The following PVT1 variants were observed in gnomAD, a reference collection of about 807,000 sequenced individuals.
PVT1 encodes the protein Pvt1 oncogene.
chr8:127,809,052 A>AG lies in PVT1; in HGVS notation n.372+12981_372+12982insG, dbSNP rs1554588312. Among the ~76,000 whole-genome samples, 27 of 135,030 alleles carry AG rather than the reference A, an allele frequency of 2.0e-4. 2 individuals are homozygous for AG. Among genetic ancestry groups the AG allele is most frequent in the Admixed American group, 4.3e-4 (6 of 14,072 alleles). The allele number at this position is 135,030 out of a possible 152,430, so 88.6% of individuals were successfully genotyped here. A position where few individuals can be genotyped will look rare whatever the true frequency, so the allele number is the denominator to read the frequency against. On this transcript the variant is annotated intron_variant and non_coding_transcript_variant, in intron 2 of 10. Coordinates refer to ENST00000651587, the Ensembl canonical transcript of PVT1. ...CTCAAAAAAAAAAAAAAAAAAAAAA[A>AG]AAAGAAAGAAAAAAAAGAAAAAGAA...
intron 3 of PVT1, among the ~76,000 whole-genome samples, chr8:127,954,981 T>C (rs1004200030): frequency 5.3e-5 from 8 of 152,242 alleles, no homozygotes; most frequent in Non-Finnish European, 8.8e-5. Context: ...AGAAACGCAA[T>C]ACAGTACGCA....
At chr8:127,860,521 T>G (rs938548810) in intron 2 of PVT1, among the ~76,000 whole-genome samples, 13 of 151,930 alleles carry the variant, frequency 8.6e-5, no homozygotes, top group Non-Finnish European at 1.8e-4. Context: ...TCCCAGCACT[T>G]CGGGAGGCCA....
intron 3 of PVT1, among the ~76,000 whole-genome samples, chr8:127,959,846 C>A (rs1414667762): frequency 6.6e-6 from 1 of 152,140 alleles, no homozygotes; most frequent in Non-Finnish European, 1.5e-5. Flanking sequence ...GCACTCCTAG[C>A]CCCAAGTGCA....
intron 4 of PVT1, among the ~76,000 whole-genome samples, chr8:127,992,435 A>G (rs546883677): frequency 6.6e-6 from 1 of 152,272 alleles, no homozygotes; most frequent in African/African-American, 2.4e-5. Context: ...ACAGGGTCTT[A>G]GCTATGTGGC....
At chr8:127,874,282 G>T (rs1815382193) in intron 2 of PVT1, among the ~76,000 whole-genome samples, 1 of 152,204 alleles carries the variant, frequency 6.6e-6, no homozygotes, top group Non-Finnish European at 1.5e-5. Flanking sequence ...GTCGCAAGGG[G>T]TTAATGAGAA....
chr8:127,858,133 A>G (rs562244909), intron 2 of PVT1, among the ~76,000 whole-genome samples: 16 of 152,144 alleles, frequency 1.1e-4, no homozygotes, highest in Non-Finnish European at 2.1e-4. Context: ...GCTCATGCCT[A>G]TAATCACGGC....
At chr8:128,009,465 A>T (rs1207902179) in intron 4 of PVT1, 1 of 152,656 alleles carries the variant, frequency 6.6e-6, no homozygotes, top group Non-Finnish European at 1.5e-5. Flanking sequence ...GGGAAACATT[A>T]ATTGAACTGT....
chr8:128,100,293 T>C (rs1814488194), intron 6 of PVT1, among the ~76,000 whole-genome samples: 1 of 152,198 alleles, frequency 6.6e-6, no homozygotes, highest in South Asian at 2.1e-4. Context: ...GCTTGGTTCT[T>C]GGATGTAGCA....
chr8:127,998,558 TTCCTTCCTTCCCTTCCTCC>T (rs1817134280), intron 4 of PVT1, among the ~76,000 whole-genome samples: 1 of 137,658 alleles, frequency 7.3e-6, no homozygotes, highest in African/African-American at 2.7e-5. Context: ...TCTCTCTCTC[TTCCTTCCTTCCCTTCCTCC>T]CTCCCTCTTT....
intron 5 of PVT1, among the ~76,000 whole-genome samples, chr8:128,076,519 T>G (rs1209950583): frequency 6.6e-6 from 1 of 152,210 alleles, no homozygotes; most frequent in African/African-American, 2.4e-5. Flanking sequence ...TAGGTTTGTC[T>G]TTGTTCTAAG....
intron 3 of PVT1, among the ~76,000 whole-genome samples, chr8:127,933,490 C>G (rs530475437): frequency 7.2e-5 from 11 of 152,238 alleles, no homozygotes; most frequent in Non-Finnish European, 1.5e-4. Context: ...CACAAACCTG[C>G]GGGTATAGGT....
At chr8:128,095,884 A>G (rs753584692) in intron 5 of PVT1, among the ~76,000 whole-genome samples, 17 of 152,332 alleles carry the variant, frequency 1.1e-4, no homozygotes, top group Middle Eastern at 3.4e-3. Flanking sequence ...CAATTCTGCC[A>G]TGCTCTTTCG....
chr8:127,857,108 C>T (rs921988698), intron 2 of PVT1, among the ~76,000 whole-genome samples: 3 of 152,148 alleles, frequency 2.0e-5, no homozygotes, highest in African/African-American at 7.2e-5. Context: ...CACCTGTAAT[C>T]CCAGCTACTC....
chr8:127,971,046 C>G (rs560544489), intron 3 of PVT1, among the ~76,000 whole-genome samples: 2 of 152,348 alleles, frequency 1.3e-5, no homozygotes, highest in South Asian at 4.1e-4. Flanking sequence ...AGAGTCTGGT[C>G]CTGACAGAGA....
rs149155837 is a variant in PVT1, at chr8:127,985,862, G to T, written n.783-3300G>T. Among the ~76,000 whole-genome samples, 8 of 152,280 alleles carry T rather than the reference G, an allele frequency of 5.3e-5. No individual in the cohort carries two copies. In the East Asian group the frequency reaches 1.5e-3, roughly 29 times the overall value. On this transcript the variant is annotated intron_variant and non_coding_transcript_variant, in intron 3 of 10. Coordinates refer to ENST00000651587, the Ensembl canonical transcript of PVT1. ...CCACATCATGAACCCAAGTGCTGTT[G>T]CTGATTTCGAAGCTTGTTCACTGTC...
chr8:127,842,409 C>T (rs182038036), intron 2 of PVT1, among the ~76,000 whole-genome samples: 7 of 152,098 alleles, frequency 4.6e-5, no homozygotes, highest in Admixed American at 1.3e-4. Flanking sequence ...TGTGCGCTAC[C>T]GCACCAGGCT....
intron 2 of PVT1, among the ~76,000 whole-genome samples, chr8:127,822,886 A>C (rs1814748733): frequency 6.6e-6 from 1 of 152,152 alleles, no homozygotes; most frequent in Admixed American, 6.5e-5. Flanking sequence ...GCTGGGTGTA[A>C]ATTTTGTCCT....
At chr8:128,055,064 C>T (rs952922745) in intron 4 of PVT1, among the ~76,000 whole-genome samples, 1 of 152,144 alleles carries the variant, frequency 6.6e-6, no homozygotes, top group Non-Finnish European at 1.5e-5. Flanking sequence ...CTCTGGATCT[C>T]CATCTTGCCA....
At chr8:127,970,285 A>ATTTTTTTTT (rs1321419703) in intron 3 of PVT1, among the ~76,000 whole-genome samples, 17 of 26,820 alleles carry the variant, frequency 6.3e-4, no homozygotes, top group South Asian at 2.0e-3. Flanking sequence ...ATCTGCCATG[A>ATTTTTTTTT]TTTGTTTTTT....
Sources: gnomAD v4.1 joint callset for allele counts (sites outside exome capture counted in the v4.1 genomes callset) on GRCh38, gnomAD v4.1.1 for gene constraint, MANE v1.5 for transcripts, NCBI Gene and HGNC (gene_info 2026-07-23, HGNC 2026-07-21) for gene names.